The following CCDC73 variants were observed in gnomAD, a reference collection of about 807,000 sequenced individuals.
CCDC73 encodes coiled-coil domain containing 73.
A neutral mutation model predicts 116.5 loss-of-function variants in CCDC73; 95 were observed. The observed-to-expected ratio is 0.82, with a 90% CI of 0.69 to 0.97. The LOEUF is 0.97. CCDC73 is among the 50% of genes least tolerant of loss of function. The pLI is 0.00. For missense variants in CCDC73, 1,066 were observed against 1,206.8 expected, an observed-to-expected ratio of 0.88 and a Z score of 1.73; for synonymous variants, 398 against 401.3, an observed-to-expected ratio of 0.99 and a Z score of 0.10.
chr11:32,706,404 AAC>A (rs1411630296), intron 3 of CCDC73, among the ~76,000 whole-genome samples: 3 of 152,232 alleles, frequency 2.0e-5, no homozygotes, highest in African/African-American at 7.2e-5. Context: ...AAAGGCTTAG[AAC>A]ACAAATAAAA....
upstream of CCDC73, among the ~76,000 whole-genome samples, chr11:32,795,814 C>A (rs1447884671): frequency 6.6e-6 from 1 of 151,812 alleles, no homozygotes; most frequent in Non-Finnish European, 1.5e-5. Context: ...CTCAGCCTCC[C>A]GAGTAGCTGG....
chr11:32,776,853 C>T (rs1850535932), intron 1 of CCDC73, among the ~76,000 whole-genome samples: 1 of 149,328 alleles, frequency 6.7e-6, no homozygotes, highest in Non-Finnish European at 1.5e-5. Context: ...AGCAATTTCC[C>T]TTATATTTTT....
intron 13 of CCDC73, 51 bp downstream of exon 13, chr11:32,641,921 T>C (rs1855736377): frequency 8.3e-7 from 1 of 1,210,108 alleles, no homozygotes; most frequent in African/African-American, 1.6e-5. Flanking sequence ...TTATTTTAAA[T>C]GTCTAAAACT....
intron 12 of CCDC73, among the ~76,000 whole-genome samples, chr11:32,645,291 C>CTTTTTTTTTTTT (rs397689348): frequency 2.2e-4 from 27 of 121,072 alleles, no homozygotes; most frequent in East Asian, 8.7e-4. Context: ...TTTTCTTTTT[C>CTTTTTTTTTTTT]TTTTTTTTTT....
intron 9 of CCDC73, among the ~76,000 whole-genome samples, chr11:32,665,617 G>T (rs1019658339): frequency 7.2e-5 from 11 of 152,098 alleles, no homozygotes; most frequent in Non-Finnish European, 1.5e-4. Flanking sequence ...TATCCAATTT[G>T]CCAGTCTGTG....
chr11:32,643,506 T>C (rs1367477252), intron 12 of CCDC73, among the ~76,000 whole-genome samples: 1 of 152,134 alleles, frequency 6.6e-6, no homozygotes, highest in Non-Finnish European at 1.5e-5. Context: ...GTAGACTATA[T>C]AGTATAGCTT....
intron 1 of CCDC73, among the ~76,000 whole-genome samples, chr11:32,784,404 CA>C (rs1440710676): frequency 6.6e-6 from 1 of 151,346 alleles, no homozygotes; most frequent in Non-Finnish European, 1.5e-5. Context: ...CAGAATATTA[CA>C]ATAGTTCAGC....
intron 2 of CCDC73, among the ~76,000 whole-genome samples, chr11:32,755,715 A>ATGTGTG (rs1850332815): frequency 2.0e-5 from 1 of 49,498 alleles, no homozygotes; most frequent in Admixed American, 2.9e-4. Context: ...ATCTCCATAT[A>ATGTGTG]TATGTGTATA....
At chr11:32,637,321 C>T (rs1465417837) in intron 13 of CCDC73, among the ~76,000 whole-genome samples, 1 of 151,984 alleles carries the variant, frequency 6.6e-6, no homozygotes, top group Non-Finnish European at 1.5e-5. Context: ...CTGTCTTTCT[C>T]ATTTCTTAAA....
At chr11:32,782,661 G>T (rs1205169657) in intron 1 of CCDC73, among the ~76,000 whole-genome samples, 2 of 152,074 alleles carry the variant, frequency 1.3e-5, no homozygotes, top group South Asian at 2.1e-4. Flanking sequence ...ATTAAGCAAA[G>T]GAAACTCTTT....
At chr11:32,637,795 C>G (rs114565757) in intron 13 of CCDC73, among the ~76,000 whole-genome samples, 1 of 152,096 alleles carries the variant, frequency 6.6e-6, no homozygotes, top group African/African-American at 2.4e-5. Context: ...CATTATTTCA[C>G]CTATAACTTC....
chr11:32,723,705 A>C (rs12224741), intron 2 of CCDC73, among the ~76,000 whole-genome samples: 37,464 of 152,098 alleles, frequency 0.25, 5,795 homozygotes, highest in East Asian at 0.79. Flanking sequence ...ATAAACCATC[A>C]AATTACTCCT....
chr11:32,724,931 T>C (rs1451827252), intron 2 of CCDC73, among the ~76,000 whole-genome samples: 1 of 152,224 alleles, frequency 6.6e-6, no homozygotes, highest in African/African-American at 2.4e-5. Flanking sequence ...GTGGATTCAA[T>C]ATAAACTATT....
chr11:32,693,246 A>G (rs1232923082), intron 6 of CCDC73, among the ~76,000 whole-genome samples: 1 of 152,214 alleles, frequency 6.6e-6, no homozygotes, highest in African/African-American at 2.4e-5. Flanking sequence ...AAACTAAAGG[A>G]GGGAGGGAAG....
chr11:32,660,756 CCAGCACTGCAGTGAGTTGTGATATCG>C (rs1473861019), intron 9 of CCDC73, among the ~76,000 whole-genome samples: 1 of 151,956 alleles, frequency 6.6e-6, no homozygotes, highest in Non-Finnish European at 1.5e-5. Flanking sequence ...CAGGTGTTCA[CCAGCACTGCAGTGAGTTGTGATATCG>C]CACCACTGCA....
intron 2 of CCDC73, among the ~76,000 whole-genome samples, chr11:32,730,201 A>G (rs906265044): frequency 9.9e-5 from 15 of 152,254 alleles, no homozygotes. Flanking sequence ...TATATAATAC[A>G]GAAGAGTTAC....
At chr11:32,737,025 A>G (rs1850137620) in intron 2 of CCDC73, among the ~76,000 whole-genome samples, 1 of 149,910 alleles carries the variant, frequency 6.7e-6, no homozygotes, top group Non-Finnish European at 1.5e-5. Context: ...TGGACTCTTA[A>G]CTCTTCCCAC....
chr11:32,800,286 A>T, the CCDC73 span, among the ~76,000 whole-genome samples: 1 of 151,934 alleles, frequency 6.6e-6, no homozygotes, highest in African/African-American at 2.4e-5. Context: ...TTATTTATTT[A>T]TTTATTTTAT....
chr11:32,639,881 T>A (rs1258611582), intron 13 of CCDC73, among the ~76,000 whole-genome samples: 1 of 152,264 alleles, frequency 6.6e-6, no homozygotes, highest in East Asian at 1.9e-4. Flanking sequence ...TTGTTATTTT[T>A]AATATTTCAA....
Sources: allele counts gnomAD v4.1 joint callset (sites outside exome capture counted in the v4.1 genomes callset), GRCh38; gene constraint gnomAD v4.1.1; transcripts MANE v1.5; gene names NCBI Gene and HGNC (gene_info 2026-07-23, HGNC 2026-07-21).